The following BBX variants were observed in gnomAD, a reference collection of about 807,000 sequenced individuals.
The protein encoded by BBX is BBX high mobility group box domain containing, also known as HMG box transcription factor BBX.
Under a neutral mutation model 100.2 loss-of-function variants are expected in BBX, and 30 were observed. The observed-to-expected ratio is 0.30, with a 90% CI of 0.22 to 0.41. The LOEUF is 0.41. BBX is among the 10% of genes least tolerant of loss of function. BBX has a pLI of 1.00. For missense variants in BBX, 1,023 were observed against 1,129.8 expected (o/e 0.91, Z 1.35); for synonymous variants, 376 against 388.1 (o/e 0.97, Z 0.37).
intron 3 of BBX, among the ~76,000 whole-genome samples, chr3:107,697,083 C>T (rs984697736): frequency 1.1e-3 from 169 of 150,590 alleles, no homozygotes; most frequent in Non-Finnish European, 2.0e-3. Flanking sequence ...ATTGGTTATT[C>T]TAGTTATACA....
chr3:107,595,727 A>T (rs765764732), intron 2 of BBX, among the ~76,000 whole-genome samples: 1 of 152,204 alleles, frequency 6.6e-6, no homozygotes, highest in Non-Finnish European at 1.5e-5. Flanking sequence ...AGCAGTCACT[A>T]TCAGTGATCC....
At chr3:107,658,170 CTG>C (rs1372389834) in intron 3 of BBX, among the ~76,000 whole-genome samples, 3 of 152,080 alleles carry the variant, frequency 2.0e-5, no homozygotes, top group Non-Finnish European at 4.4e-5. Flanking sequence ...TTAGCTGAAA[CTG>C]TGTGTTGAGT....
In BBX at chr3:107,651,736, T is replaced by C. The variant is rs558139631; in HGVS notation, c.-10+5827T>C. 2.7e-3 allele frequency among the ~76,000 whole-genome samples: 406 copies of C among 152,256 alleles called. 1 individual carries two copies. The highest frequency in any genetic ancestry group is 8.2e-3 in the African/African-American group (341 of 41,566). Reference sequence around the variant, plus strand: ...GTCAGGGAGTCCTAAGTCTGATAGATCTACTTAATTATTGTCCTGTCTCCT... The same window carrying C: ...GTCAGGGAGTCCTAAGTCTGATAGACCTACTTAATTATTGTCCTGTCTCCT... On this transcript the variant is annotated intron_variant, in intron 3 of 17. Coordinates refer to ENST00000325805, the MANE Select transcript of BBX (RefSeq NM_001142568.3).
At chr3:107,663,723 A>G (rs528760367) in intron 3 of BBX, among the ~76,000 whole-genome samples, 2 of 152,006 alleles carry the variant, frequency 1.3e-5, no homozygotes, top group South Asian at 4.2e-4. Context: ...TCATATATGT[A>G]TAATCTTTTA....
At chr3:107,614,020 C>T (rs1462848992) in intron 2 of BBX, among the ~76,000 whole-genome samples, 2 of 132,708 alleles carry the variant, frequency 1.5e-5, no homozygotes, top group East Asian at 2.5e-4. Flanking sequence ...GGCGCAATCT[C>T]GGCTCACTGG....
chr3:107,620,231 C>A (rs1001076388), intron 2 of BBX, among the ~76,000 whole-genome samples: 4 of 152,038 alleles, frequency 2.6e-5, no homozygotes, highest in Non-Finnish European at 5.9e-5. Context: ...TCCAAAATTT[C>A]CATTTGGTTC....
At chr3:107,767,441 G>A (rs1365114016) in intron 10 of BBX, among the ~76,000 whole-genome samples, 1 of 152,062 alleles carries the variant, frequency 6.6e-6, no homozygotes, top group Non-Finnish European at 1.5e-5. Flanking sequence ...ATTAATTTAG[G>A]TTTCCAACAA....
chr3:107,591,778 C>T (rs1036956055), intron 2 of BBX, among the ~76,000 whole-genome samples: 3 of 152,048 alleles, frequency 2.0e-5, no homozygotes, highest in East Asian at 1.9e-4. Flanking sequence ...ATGAGCTGCC[C>T]GGCCAGTAAA....
chr3:107,789,039 AACTG>A, intron 13 of BBX, among the ~76,000 whole-genome samples: 1 of 152,230 alleles, frequency 6.6e-6, no homozygotes, highest in Admixed American at 6.5e-5. Flanking sequence ...TGGGTGGAGG[AACTG>A]ACCAGATGGG....
At chr3:107,526,953 A>G (rs2047825029) in intron 2 of BBX, among the ~76,000 whole-genome samples, 1 of 152,216 alleles carries the variant, frequency 6.6e-6, no homozygotes, top group East Asian at 1.9e-4. Context: ...ATTGATCATA[A>G]TTTCTTTTAA....
At chr3:107,586,210 A>G (rs2052825747) in intron 2 of BBX, among the ~76,000 whole-genome samples, 1 of 152,196 alleles carries the variant, frequency 6.6e-6, no homozygotes, top group African/African-American at 2.4e-5. Flanking sequence ...TATATTATTA[A>G]CTAACTTGTA....
intron 3 of BBX, among the ~76,000 whole-genome samples, chr3:107,667,526 G>GA (rs1431636224): frequency 1.3e-5 from 2 of 151,542 alleles, no homozygotes; most frequent in African/African-American, 4.8e-5. Context: ...AAGTACAGTA[G>GA]AAAAATTTAT....
At chr3:107,721,707 C>T (rs999510858) in intron 5 of BBX, among the ~76,000 whole-genome samples, 15 of 152,040 alleles carry the variant, frequency 9.9e-5, no homozygotes, top group African/African-American at 3.6e-4. Context: ...CTTTTATAAA[C>T]ATTTAAATGT....
At chr3:107,580,221 C>A (rs1276648394) in intron 2 of BBX, among the ~76,000 whole-genome samples, 1 of 152,038 alleles carries the variant, frequency 6.6e-6, no homozygotes, top group Non-Finnish European at 1.5e-5. Flanking sequence ...AAAATAGGCT[C>A]TTTATCATGC....
At chr3:107,532,604 C>A (rs1261369431) in intron 2 of BBX, among the ~76,000 whole-genome samples, 1 of 152,058 alleles carries the variant, frequency 6.6e-6, no homozygotes. Context: ...ACATTAAATC[C>A]CTGAAATCTC....
Position 107,805,842 on chromosome 3 carries a change from A to G in BBX, c.*385A>G, listed in dbSNP as rs986188496. The stretch of plus-strand genomic sequence containing the variant: ...CATATATTACCTAGTTATTCTTTCA[A>G]AACAAAACAAAAAAAAAACAAAAAC... On this transcript the variant is annotated 3_prime_UTR_variant, in exon 18 of 18. Transcript: ENST00000325805. 4.5e-6 allele frequency: 1 copy of G among 221,646 alleles called. No homozygotes were observed. The highest frequency in any genetic ancestry group is 8.8e-6 in the Non-Finnish European group (1 of 113,292). The allele number at this position is 221,646 out of a possible 1,614,324, so 13.7% of individuals were successfully genotyped here. A position where few individuals can be genotyped will look rare whatever the true frequency, so the allele number is the denominator to read the frequency against.
intron 3 of BBX, among the ~76,000 whole-genome samples, chr3:107,654,380 GT>G (rs1371791928): frequency 6.6e-6 from 1 of 152,054 alleles, no homozygotes; most frequent in Non-Finnish European, 1.5e-5. Context: ...GATAGTAGAA[GT>G]GTTTCAATCA....
intron 2 of BBX, among the ~76,000 whole-genome samples, chr3:107,637,811 G>A (rs1184655573): frequency 6.6e-6 from 1 of 152,196 alleles, no homozygotes; most frequent in African/African-American, 2.4e-5. Context: ...CTATGGAAAT[G>A]TGATTGGACT....
chr3:107,749,041 T>C, intron 9 of BBX, among the ~76,000 whole-genome samples: 1 of 152,252 alleles, frequency 6.6e-6, no homozygotes, highest in East Asian at 1.9e-4. Context: ...TCGTGTCAAC[T>C]ACTATGACTT....
Sources: gnomAD v4.1 joint callset for allele counts (sites outside exome capture counted in the v4.1 genomes callset) on GRCh38, gnomAD v4.1.1 for gene constraint, MANE v1.5 for transcripts, NCBI Gene and HGNC (gene_info 2026-07-23, HGNC 2026-07-21) for gene names.